ANKRD17: variants seen among roughly 807,000 people sequenced by gnomAD.
The protein encoded by ANKRD17 is ankyrin repeat domain-containing protein 17.
In ANKRD17, 19 loss-of-function variants were observed where a neutral mutation model predicts 229.7. That is an observed-to-expected ratio of 0.08 (90% CI 0.06 to 0.12). ANKRD17 has a LOEUF of 0.12. ANKRD17 is among the 10% of genes least tolerant of loss of function. The pLI, the probability that ANKRD17 is intolerant of heterozygous loss-of-function variation, is 1.00. For missense variants in ANKRD17, 2,176 were observed against 3,176.8 expected (o/e 0.68, Z 7.57); for synonymous variants, 1,112 against 1,146.1 (o/e 0.97, Z 0.60).
chr4:73,099,266 G>A, intron 25 of ANKRD17: 1 of 552,418 alleles, frequency 1.8e-6, no homozygotes, highest in Non-Finnish European at 3.3e-6. Flanking sequence ...GCCTCCGGCT[G>A]CCACCCCCAT....
Position 73,076,077 on chromosome 4 carries a change from G to T in ANKRD17, c.*154C>A. 2.0e-6 allele frequency: 1 copy of T among 495,894 alleles called. No individual in the cohort carries two copies. The highest frequency in any genetic ancestry group is 3.5e-6 in the Non-Finnish European group (1 of 284,434). The allele number at this position is 495,894 out of a possible 1,614,324, so 30.7% of individuals were successfully genotyped here. ...GAATGGGCAGTCACAAATGTTCACAGAAAATAGGTCAGTTAGTAAGATCTT... is the reference window on the plus strand; with the variant it reads ...GAATGGGCAGTCACAAATGTTCACATAAAATAGGTCAGTTAGTAAGATCTT... On this transcript the variant is annotated 3_prime_UTR_variant, in exon 34 of 34. Coordinates refer to ENST00000358602, the MANE Select transcript of ANKRD17 (RefSeq NM_032217.5).
chr4:73,168,330 T>C (rs942430664), intron 2 of ANKRD17, among the ~76,000 whole-genome samples: 2 of 152,178 alleles, frequency 1.3e-5, no homozygotes, highest in Non-Finnish European at 2.9e-5. Flanking sequence ...AGTGTATTTA[T>C]GTCTACTTTA....
At chr4:73,228,152 G>C (rs1742690541) in intron 1 of ANKRD17, among the ~76,000 whole-genome samples, 1 of 152,026 alleles carries the variant, frequency 6.6e-6, no homozygotes, top group South Asian at 2.1e-4. Context: ...TTATAGTAAA[G>C]CATAAGTATG....
chr4:73,213,316 G>A (rs912962697), intron 1 of ANKRD17, among the ~76,000 whole-genome samples: 9 of 152,174 alleles, frequency 5.9e-5, no homozygotes, highest in African/African-American at 2.2e-4. Flanking sequence ...TGAAATCAAA[G>A]AGTTAGGCTG....
chr4:73,224,564 C>A (rs1742262868), intron 1 of ANKRD17, among the ~76,000 whole-genome samples: 1 of 151,948 alleles, frequency 6.6e-6, no homozygotes, highest in Non-Finnish European at 1.5e-5. Flanking sequence ...TATATGATTT[C>A]TTTTTTTAAA....
chr4:73,200,281 T>C (rs983227035), intron 1 of ANKRD17, among the ~76,000 whole-genome samples: 5 of 152,172 alleles, frequency 3.3e-5, no homozygotes, highest in African/African-American at 1.2e-4. Context: ...TTCTCTACTT[T>C]AGCTGCACAC....
intron 1 of ANKRD17, among the ~76,000 whole-genome samples, chr4:73,201,383 T>A (rs887686003): frequency 1.3e-5 from 2 of 151,970 alleles, no homozygotes; most frequent in South Asian, 2.1e-4. Context: ...CACAGTAAGT[T>A]ATATTCCCAA....
chr4:73,235,890 G>C (rs1743460224), intron 1 of ANKRD17, among the ~76,000 whole-genome samples: 1 of 151,670 alleles, frequency 6.6e-6, no homozygotes, highest in South Asian at 2.1e-4. Flanking sequence ...TTTTAATAGA[G>C]ACAGGGTCTC....
chr4:73,136,770 A>G (rs1220545273), intron 15 of ANKRD17, among the ~76,000 whole-genome samples: 2 of 152,108 alleles, frequency 1.3e-5, no homozygotes, highest in Admixed American at 1.3e-4. Flanking sequence ...AATTGATTCC[A>G]TATCTCCTTT....
At chr4:73,239,038 T>G (rs1743770186) in intron 1 of ANKRD17, among the ~76,000 whole-genome samples, 1 of 152,126 alleles carries the variant, frequency 6.6e-6, no homozygotes, top group Non-Finnish European at 1.5e-5. Flanking sequence ...AAACTATTAC[T>G]GGGGTTAAAA....
In ANKRD17 at chr4:73,140,006, C is replaced by G. The variant is rs1378272451; in HGVS notation, c.2610G>C (p.Gln870His). 1 of 1,614,192 alleles carries G rather than the reference C, an allele frequency of 6.2e-7. No individual in the cohort carries two copies. Among genetic ancestry groups the G allele is most frequent in the Non-Finnish European group, 8.5e-7 (1 of 1,180,038 alleles). The change falls in exon 15 of 34, where the codon CAG becomes CAC. Residue 870 changes from glutamine to histidine, a missense_variant. Physicochemically the swap from Gln to His is conservative, Grantham distance 24. This residue lies in a region of ANKRD17 where 7 missense variants were observed against 21.9 expected (regional missense o/e 0.32). Coordinates refer to ENST00000358602, the MANE Select transcript of ANKRD17 (RefSeq NM_032217.5). ...TCAGTTGTAACTCTCGTTCTACTTT[C>G]TGTAGTTCCTCCAAAATCTTTTGTT... is the stretch of plus-strand genomic sequence containing the variant. ...QKKQKILEEL[Q>H]KVERELQLKT...
At chr4:73,190,496 C>A (rs890816215) in intron 1 of ANKRD17, among the ~76,000 whole-genome samples, 1 of 149,934 alleles carries the variant, frequency 6.7e-6, no homozygotes, top group African/African-American at 2.5e-5. Flanking sequence ...ATGAACTATT[C>A]TGGAAACCTA....
intron 24 of ANKRD17, 50 bp from the exon 25 acceptor site, chr4:73,102,597 G>C (rs1210440436): frequency 6.4e-7 from 1 of 1,564,672 alleles, no homozygotes; most frequent in Non-Finnish European, 8.6e-7. Flanking sequence ...TTACCCTGGA[G>C]AAGAAGTTGT....
chr4:73,113,588 C>T (rs1363432497), intron 24 of ANKRD17, among the ~76,000 whole-genome samples: 1 of 152,146 alleles, frequency 6.6e-6, no homozygotes, highest in Non-Finnish European at 1.5e-5. Flanking sequence ...ATTCCTATAA[C>T]AAAATTTTGT....
At chr4:73,189,315 T>C (rs1207114787) in intron 1 of ANKRD17, among the ~76,000 whole-genome samples, 1 of 152,060 alleles carries the variant, frequency 6.6e-6, no homozygotes, top group African/African-American at 2.4e-5. Flanking sequence ...ATATAATCCT[T>C]TCTTTTTTCT....
At chr4:73,248,605 A>G (rs11933644) in intron 1 of ANKRD17, among the ~76,000 whole-genome samples, 34,115 of 151,860 alleles carry the variant, frequency 0.22, 5,095 homozygotes, top group African/African-American at 0.42. Context: ...ATTAGCTAAT[A>G]ATCATAGCTA....
At chr4:73,249,021 G>T (rs1028274554) in intron 1 of ANKRD17, among the ~76,000 whole-genome samples, 17 of 152,182 alleles carry the variant, frequency 1.1e-4, no homozygotes, top group Admixed American at 1.1e-3. Context: ...CAAACAGGTG[G>T]GCTTCCTTTT....
chr4:73,119,331 T>C (rs1726407736), intron 21 of ANKRD17, among the ~76,000 whole-genome samples: 1 of 152,144 alleles, frequency 6.6e-6, no homozygotes, highest in African/African-American at 2.4e-5. Context: ...ACAAACAATA[T>C]CCTATGAGGC....
At chr4:73,120,752 T>A (rs1726625336) in intron 20 of ANKRD17, 129 bp downstream of exon 20, 1 of 788,556 alleles carries the variant, frequency 1.3e-6, no homozygotes, top group African/African-American at 1.7e-5. Flanking sequence ...CAGAATGATT[T>A]CTAATTAAAT....
Sources: allele counts gnomAD v4.1 joint callset (sites outside exome capture counted in the v4.1 genomes callset), GRCh38; gene constraint gnomAD v4.1.1; regional missense constraint gnomAD v4.1.1; transcripts MANE v1.5; gene names NCBI Gene and HGNC (gene_info 2026-07-23, HGNC 2026-07-21).